LARGE1: variants seen among roughly 807,000 people sequenced by gnomAD.
The protein encoded by LARGE1 is xylosyl- and glucuronyltransferase LARGE1.
A neutral mutation model predicts 87.6 loss-of-function variants in LARGE1; 43 were observed. The ratio of observed to expected loss-of-function variants is 0.49; its 90% CI spans 0.38 to 0.63. LARGE1 has a LOEUF of 0.63. LARGE1 is among the 30% of genes least tolerant of loss of function. LARGE1 has a pLI of 0.00. For synonymous variants in LARGE1, 434 were observed against 394.6 expected (o/e 1.10, Z -1.18); for missense variants, 802 against 1,000.2 (o/e 0.80, Z 2.67).
rs966761327 is a variant in LARGE1, at chr22:33,274,021, C to T, written c.*406G>A. The T allele has an allele frequency of 5.7e-5, 19 of 330,480 alleles. No individual in the cohort carries two copies. Among genetic ancestry groups the T allele is most frequent in the Admixed American group, 1.8e-4 (4 of 22,170 alleles). The allele number at this position is 330,480 out of a possible 1,614,324, so 20.5% of individuals were successfully genotyped here. On this transcript the variant is annotated 3_prime_UTR_variant, in exon 15 of 15. Transcript: ENST00000397394. ...ACAATTTCACTTCTATTTCCTGGGA[C>T]GAATAACCCCTAGAACCCTGACTTC...
chr22:33,660,035 T>G (rs1002655453), intron 2 of LARGE1, among the ~76,000 whole-genome samples: 3 of 151,818 alleles, frequency 2.0e-5, no homozygotes, highest in Admixed American at 6.6e-5. Flanking sequence ...TTTTGAAACT[T>G]CAGGTTCAAT....
chr22:33,470,050 C>T lies in LARGE1; in HGVS notation c.788-37785G>A, dbSNP rs147105720. Among the ~76,000 whole-genome samples the T allele has an allele frequency of 5.6e-3, 855 of 151,444 alleles. 5 individuals are homozygous for T. Among genetic ancestry groups the T allele is most frequent in the African/African-American group, 0.019 (803 of 41,360 alleles). Reference sequence around the variant, plus strand: ...GACTACAGGCTCCTGCCACCACGCCCGGCTAATTTTTTGTATTTTTTAGTA... The same window carrying T: ...GACTACAGGCTCCTGCCACCACGCCTGGCTAATTTTTTGTATTTTTTAGTA... On this transcript the variant is annotated intron_variant, in intron 6 of 14. Coordinates refer to ENST00000397394, the MANE Select transcript of LARGE1 (RefSeq NM_133642.5).
At chr22:33,713,140 AG>A (rs2082787287) in intron 2 of LARGE1, among the ~76,000 whole-genome samples, 1 of 152,160 alleles carries the variant, frequency 6.6e-6, no homozygotes, top group African/African-American at 2.4e-5. Flanking sequence ...TAAAAAGAGT[AG>A]GGGGATAGAT....
intron 12 of LARGE1, among the ~76,000 whole-genome samples, chr22:33,293,119 C>T (rs1190974121): frequency 2.6e-5 from 4 of 152,184 alleles, no homozygotes; most frequent in Non-Finnish European, 5.9e-5. Flanking sequence ...GTGTTCCAAT[C>T]AAGAAGCAGG....
intron 1 of LARGE1, among the ~76,000 whole-genome samples, chr22:33,865,042 G>T (rs558899393): frequency 6.6e-6 from 1 of 152,310 alleles, no homozygotes; most frequent in African/African-American, 2.4e-5. Flanking sequence ...CCAGCAGACA[G>T]AACACGTTTG....
intron 6 of LARGE1, among the ~76,000 whole-genome samples, chr22:33,534,095 C>A (rs1221507864): frequency 2.6e-5 from 4 of 152,042 alleles, no homozygotes; most frequent in Non-Finnish European, 4.4e-5. Context: ...TTCTTGACTG[C>A]AGGCCTTCAC....
intron 2 of LARGE1, among the ~76,000 whole-genome samples, chr22:33,752,683 T>A (rs1316577004): frequency 6.6e-6 from 1 of 152,166 alleles, no homozygotes; most frequent in Admixed American, 6.5e-5. Context: ...GAAAAGTGCA[T>A]GGCACACCAT....
intron 7 of LARGE1, among the ~76,000 whole-genome samples, chr22:33,424,379 A>G (rs1336256583): frequency 6.6e-6 from 1 of 152,212 alleles, no homozygotes; most frequent in Non-Finnish European, 1.5e-5. Flanking sequence ...TGTAGAAGCC[A>G]TCTCTCACAG....
At chr22:33,676,172 C>T (rs1442422217) in intron 2 of LARGE1, among the ~76,000 whole-genome samples, 3 of 151,584 alleles carry the variant, frequency 2.0e-5, no homozygotes, top group Non-Finnish European at 4.4e-5. Context: ...CTCACTATAC[C>T]GGCTGCAGAG....
intron 1 of LARGE1, among the ~76,000 whole-genome samples, chr22:33,826,794 A>G (rs1003375480): frequency 2.6e-5 from 4 of 152,152 alleles, no homozygotes; most frequent in African/African-American, 9.7e-5. Context: ...CAGGAATTGG[A>G]GCCTGTTATC....
chr22:33,189,716 G>A (rs5994689), intron 11 of LARGE1, among the ~76,000 whole-genome samples: 278 of 152,286 alleles, frequency 1.8e-3, no homozygotes, highest in African/African-American at 6.4e-3. Flanking sequence ...AGAGCATTGT[G>A]GAAATGGAGT....
At chr22:33,350,626 G>C (rs552011705) in intron 9 of LARGE1, among the ~76,000 whole-genome samples, 1 of 152,140 alleles carries the variant, frequency 6.6e-6, no homozygotes, top group African/African-American at 2.4e-5. Context: ...CATGCCCTTG[G>C]GGGTGGGCAC....
intron 6 of LARGE1, among the ~76,000 whole-genome samples, chr22:33,471,109 C>T (rs1188717824): frequency 6.7e-6 from 1 of 149,812 alleles, no homozygotes; most frequent in Non-Finnish European, 1.5e-5. Context: ...CTCACGGCAA[C>T]CTCTGCCACC....
At chr22:33,541,342 T>C (rs971309226) in intron 6 of LARGE1, among the ~76,000 whole-genome samples, 2 of 152,106 alleles carry the variant, frequency 1.3e-5, no homozygotes, top group African/African-American at 4.8e-5. Context: ...ATGGTTGTGA[T>C]GCAAAGTTAA....
At chr22:33,556,015 G>T (rs2077666037) in intron 6 of LARGE1, among the ~76,000 whole-genome samples, 1 of 151,928 alleles carries the variant, frequency 6.6e-6, no homozygotes, top group Non-Finnish European at 1.5e-5. Context: ...GGATCTCAGG[G>T]CTTCACATAT....
intron 6 of LARGE1, among the ~76,000 whole-genome samples, chr22:33,546,447 G>A (rs571645741): frequency 2.0e-4 from 31 of 152,244 alleles, no homozygotes; most frequent in African/African-American, 7.0e-4. Flanking sequence ...ATTAATGACT[G>A]TCTCCATGGC....
chr22:33,795,847 C>T (rs1206725831), intron 1 of LARGE1, among the ~76,000 whole-genome samples: 2 of 150,322 alleles, frequency 1.3e-5, no homozygotes, highest in African/African-American at 2.5e-5. Context: ...TGGGGTCTGT[C>T]GTGGGGTGGG....
chr22:33,795,823 G>A (rs2085961504), intron 1 of LARGE1, among the ~76,000 whole-genome samples: 1 of 152,000 alleles, frequency 6.6e-6, no homozygotes, highest in Non-Finnish European at 1.5e-5. Context: ...CACAGGGTGG[G>A]GAACATCACA....
At chr22:33,290,211 A>G (rs967574085) in intron 12 of LARGE1, among the ~76,000 whole-genome samples, 1 of 151,998 alleles carries the variant, frequency 6.6e-6, no homozygotes, top group African/African-American at 2.4e-5. Flanking sequence ...TTTCCTCTAG[A>G]GGCAGGTCCC....
Sources: gnomAD v4.1 joint callset for allele counts (sites outside exome capture counted in the v4.1 genomes callset) on GRCh38, gnomAD v4.1.1 for gene constraint, MANE v1.5 for transcripts, NCBI Gene and HGNC (gene_info 2026-07-23, HGNC 2026-07-21) for gene names.